The following ANGEL1 variants were observed in gnomAD, a reference collection of about 807,000 sequenced individuals.
ANGEL1 encodes the protein angel homolog 1.
In ANGEL1, 62 loss-of-function variants were observed where a neutral mutation model predicts 76.4. The observed-to-expected ratio is 0.81, with a 90% confidence interval of 0.66 to 1.00. The LOEUF is 1.00. Ranked by LOEUF, ANGEL1 falls within the 50% of genes least tolerant of loss-of-function variation. The pLI is 0.00. For missense variants in ANGEL1, 737 were observed against 836.7 expected, an observed-to-expected ratio of 0.88 and a Z score of 1.47; for synonymous variants, 340 against 331.7, an observed-to-expected ratio of 1.03 and a Z score of -0.27.
chr14:76,807,443 C>A lies in ANGEL1; in HGVS notation c.936G>T (p.Leu312=). 6.2e-7 allele frequency: 1 copy of A among 1,612,558 alleles called. No individual in the cohort carries two copies. The highest frequency in any genetic ancestry group is 8.5e-7 in the Non-Finnish European group (1 of 1,179,350). The change falls in exon 4 of 10, where the codon CTG becomes CTT. Residue 312 remains leucine, a synonymous_variant. Transcript: ENST00000251089. The stretch of plus-strand genomic sequence containing the variant: ...AGGGAGCTGCATTACCCATCATTCG[C>A]AGAGAGGGTTCCAGCTGCTCCCAGT... ...DHYWEQLEPS[L]RMMGFTCFYK...
Position 76,812,869 on chromosome 14 carries a change from G to C in ANGEL1, c.-42C>G. ...CCGCCTCCGCTCCTCACTGCAGCCAGCAGGTCCTCCCTCAGCTCGGCCCCG... is the reference window on the plus strand; with the variant it reads ...CCGCCTCCGCTCCTCACTGCAGCCACCAGGTCCTCCCTCAGCTCGGCCCCG... On this transcript the variant is annotated 5_prime_UTR_variant, in exon 1 of 10. Coordinates refer to ENST00000251089, the MANE Select transcript of ANGEL1 (RefSeq NM_015305.4). The C allele has an allele frequency of 6.8e-7, 1 of 1,480,148 alleles. No individual in the cohort carries two copies. The highest frequency in any genetic ancestry group is 9.0e-7 in the Non-Finnish European group (1 of 1,116,850). 91.7% of individuals were successfully genotyped at this position (1,480,148 alleles called of 1,614,324 possible).
intron 7 of ANGEL1, among the ~76,000 whole-genome samples, chr14:76,794,065 C>T (rs1190453036): frequency 2.6e-5 from 4 of 151,940 alleles, no homozygotes. Flanking sequence ...CAGATACAGA[C>T]AGGAAGGGAA....
intron 2 of ANGEL1, 139 bp from the exon 3 acceptor site, chr14:76,808,287 A>T (rs1429538816): frequency 7.1e-6 from 5 of 705,680 alleles, no homozygotes; most frequent in Non-Finnish European, 1.2e-5. Context: ...TCTGTGGGGA[A>T]TTGATTTCTA....
chr14:76,799,255 C>T (rs1321906254), intron 7 of ANGEL1, among the ~76,000 whole-genome samples: 10 of 126,732 alleles, frequency 7.9e-5, no homozygotes, highest in Admixed American at 7.2e-4. Context: ...ACTAAGATCT[C>T]GTTGTACTCC....
chr14:76,800,779 C>T (rs1055020630), intron 7 of ANGEL1, among the ~76,000 whole-genome samples: 2 of 151,936 alleles, frequency 1.3e-5, no homozygotes, highest in East Asian at 1.9e-4. Flanking sequence ...GAGACCAGCC[C>T]GGCCAACATG....
At position 76,786,163 on chromosome 14, in the gene ANGEL1, TTTTC is replaced by T. The variant is rs1045108668; in HGVS notation, c.*3061_*3064del. 275 of 136,710 alleles carry T rather than the reference TTTTC, an allele frequency of 2.0e-3. 5 individuals carry two copies. The highest frequency in any genetic ancestry group is 0.018 in the East Asian group (95 of 5,244). The allele number at this position is 136,710 out of a possible 1,614,324, so 8.5% of individuals were successfully genotyped here. On this transcript the variant is annotated 3_prime_UTR_variant, in exon 10 of 10. Transcript: ENST00000251089. Reference sequence around the variant, plus strand: ...GCTGAGTTTTCTTTCTTTTCTTTTCTTTTCTTTTTTTTTTTTTGAGATGGAGTTT... The same window carrying T: ...GCTGAGTTTTCTTTCTTTTCTTTTCTTTTTTTTTTTTTTGAGATGGAGTTT...
chr14:76,804,544 T>G, intron 5 of ANGEL1: 1 of 716,032 alleles, frequency 1.4e-6, no homozygotes, highest in Non-Finnish European at 1.7e-6. Context: ...CAAAAGACAC[T>G]AGCTAGGTGC....
chr14:76,790,561 C>A, intron 9 of ANGEL1, 50 bp downstream of exon 9: 1 of 1,565,332 alleles, frequency 6.4e-7, no homozygotes, highest in Non-Finnish European at 8.7e-7. Context: ...CTACCATTAG[C>A]TGTTCCCAGG....
rs1595309554 is a variant in ANGEL1 at position 76,809,485 on chromosome 14, T to C, written c.223A>G (p.Thr75Ala). 2 of 1,614,212 alleles carry C rather than the reference T, an allele frequency of 1.2e-6. No individual in the cohort carries two copies. Among genetic ancestry groups the C allele is most frequent in the South Asian group, 2.2e-5 (2 of 91,080 alleles). Reference protein sequence around the residue: ...REEGLSQVLSTASEGPLIDKG... With the variant: ...REEGLSQVLSAASEGPLIDKG... ...TCTATAAGGGGCCCCTCACTTGCAG[T>C]TGAGAGCACCTGGCTCAACCCTTCT... The change falls in exon 2 of 10, where the codon ACT becomes GCT. Residue 75 changes from threonine (T) to alanine (A), a missense_variant. Thr to Ala is a moderately conservative substitution (Grantham distance 58, BLOSUM62 0). Around this residue, in one of 2 missense-constraint regions of ANGEL1, gnomAD observed 441 missense variants for 449.5 expected, o/e 0.98. Coordinates refer to ENST00000251089, the MANE Select transcript of ANGEL1 (RefSeq NM_015305.4).
chr14:76,808,400 A>G (rs1247743814), intron 2 of ANGEL1, among the ~76,000 whole-genome samples: 5 of 152,046 alleles, frequency 3.3e-5, no homozygotes, highest in Non-Finnish European at 5.9e-5. Context: ...GATGCTCCAT[A>G]TATGGAAGCT....
At chr14:76,793,987 T>C (rs549942448) in intron 7 of ANGEL1, among the ~76,000 whole-genome samples, 1 of 152,184 alleles carries the variant, frequency 6.6e-6, no homozygotes, top group Non-Finnish European at 1.5e-5. Context: ...GAAGGCAAAA[T>C]CACTGAGAAG....
rs149469500 is a variant in ANGEL1, at chr14:76,803,402, G to A, written c.1587C>T (p.Val529=). 5.1e-5 allele frequency: 82 copies of A among 1,614,186 alleles called. No individual in the cohort carries two copies. The African/African-American group carries it at 7.6e-4, about 15-fold the overall frequency. The change falls in exon 7 of 10, where the codon GTC becomes GTT. Residue 529 remains valine, a synonymous_variant. Transcript: ENST00000251089. ...TAGTATCTGTCACTCCTTCCATAAGGACCAGTCCTACTGGTCGCTGACAAG... is the reference window on the plus strand; with the variant it reads ...TAGTATCTGTCACTCCTTCCATAAGAACCAGTCCTACTGGTCGCTGACAAG... ...SIACQRPVGL[V]LMEGVTDTKP...
At chr14:76,789,602 G>A (rs544240095) in intron 9 of ANGEL1, among the ~76,000 whole-genome samples, 71 of 152,168 alleles carry the variant, frequency 4.7e-4, no homozygotes, top group African/African-American at 1.7e-3. Context: ...GGTGAGTTCC[G>A]GGGAACTGGG....
intron 7 of ANGEL1, among the ~76,000 whole-genome samples, chr14:76,791,832 ATACATACATAT>A (rs1362690122): frequency 6.6e-6 from 1 of 152,184 alleles, no homozygotes; most frequent in Non-Finnish European, 1.5e-5. Flanking sequence ...ACATGTATAT[ATACATACATAT>A]TACATATATG....
Position 76,806,522 on chromosome 14 carries a change from T to TGGC in ANGEL1, c.1271_1273dup (p.Ser424_His425insArg). On this transcript the variant is annotated inframe_insertion, in exon 5 of 10. Transcript: ENST00000251089. ...GTCCCCGCACAAGATGATGGGGCAG[T>TGGC]GGCTGCCATCTGACAGTCTGGCCAC... 6.2e-7 allele frequency: 1 copy of TGGC among 1,614,218 alleles called. No homozygotes were observed. The highest frequency in any genetic ancestry group is 8.5e-7 in the Non-Finnish European group (1 of 1,180,040).
chr14:76,795,841 T>A (rs1255613079), intron 7 of ANGEL1, among the ~76,000 whole-genome samples: 1 of 152,234 alleles, frequency 6.6e-6, no homozygotes. Flanking sequence ...GTTCCTGCTC[T>A]TTTCCCACTT....
rs1894280760 is a variant in ANGEL1, at chr14:76,787,178, AC to A, written c.*2049del. The A allele has an allele frequency of 6.6e-6, 1 of 152,146 alleles. No individual in the cohort carries two copies. Among genetic ancestry groups the A allele is most frequent in the South Asian group, 2.1e-4 (1 of 4,826 alleles). 9.4% of individuals were successfully genotyped at this position (152,146 alleles called of 1,614,324 possible). A position where few individuals can be genotyped will look rare whatever the true frequency, so the allele number is the denominator to read the frequency against. On this transcript the variant is annotated 3_prime_UTR_variant, in exon 10 of 10. Transcript: ENST00000251089. ...AGCTCCTTAGTCTCTTCCTCTGCCC[AC>A]CTCATTCTTCAGGCCCTCTCTCAAG...
chr14:76,806,638 C>G lies in ANGEL1; in HGVS notation c.1158G>C (p.Leu386=). The change falls in exon 5 of 10, where the codon CTG becomes CTC. Residue 386 remains leucine (L), a synonymous_variant. Transcript: ENST00000251089. ...EGLGQVSVAP[L]CVANTHILYN... ...AAAGGATATGGGTATTTGCCACACA[C>G]AGCGGGGCCACCGAGACTTGTCCCA... is the stretch of plus-strand genomic sequence containing the variant. 1 of 1,613,102 alleles carries G rather than the reference C, an allele frequency of 6.2e-7. No individual in the cohort carries two copies. Among genetic ancestry groups the G allele is most frequent in the Non-Finnish European group, 8.5e-7 (1 of 1,179,778 alleles).
chr14:76,808,267 C>T (rs769745239), intron 2 of ANGEL1, 119 bp from the exon 3 acceptor site: 4 of 789,444 alleles, frequency 5.1e-6, no homozygotes, highest in Non-Finnish European at 8.1e-6. Flanking sequence ...TTCCCTGTCA[C>T]CCATCCCTCT....
Sources: allele counts gnomAD v4.1 joint callset (sites outside exome capture counted in the v4.1 genomes callset), GRCh38; gene constraint gnomAD v4.1.1; regional missense constraint gnomAD v4.1.1; transcripts MANE v1.5; gene names NCBI Gene and HGNC (gene_info 2026-07-23, HGNC 2026-07-21).